Variants in AGMO observed in about 807,000 individuals in gnomAD.
AGMO encodes glyceryl-ether monooxygenase.
Under a neutral mutation model 60.2 loss-of-function variants are expected in AGMO, and 75 were observed. The observed-to-expected ratio is 1.25, with a 90% CI of 1.03 to 1.51. AGMO has a LOEUF of 1.51. Ranked by LOEUF, AGMO falls within the 40% of genes most tolerant of loss-of-function variation. The pLI is 0.00. For missense variants in AGMO, 763 were observed against 525.5 expected, an observed-to-expected ratio of 1.45 and a Z score of -4.42; for synonymous variants, 261 against 177.1, an observed-to-expected ratio of 1.47 and a Z score of -3.76.
intron 12 of AGMO, among the ~76,000 whole-genome samples, chr7:15,361,739 C>G (rs1274617398): frequency 6.6e-6 from 1 of 151,880 alleles, no homozygotes; most frequent in African/African-American, 2.4e-5. Flanking sequence ...ACAGTTTATG[C>G]AAAACAGATA....
Position 15,248,195 on chromosome 7 carries a change from T to TATATATATAC in AGMO, c.1264-46837_1264-46836insGTATATATAT, listed in dbSNP as rs1554401233. On this transcript the variant is annotated intron_variant, in intron 12 of 12. Transcript: ENST00000342526. Reference sequence around the variant, plus strand: ...ATCCAGCACCATATATATATATATATATATATATATATATATATATATATA... The same window carrying TATATATATAC: ...ATCCAGCACCATATATATATATATATATATATATACATATATATATATATATATATATATA... 2.6e-5 allele frequency among the ~76,000 whole-genome samples: 2 copies of TATATATATAC among 76,694 alleles called. 1 individual carries two copies. Among genetic ancestry groups the TATATATATAC allele is most frequent in the South Asian group, 7.6e-4 (2 of 2,646 alleles). The allele number at this position is 76,694 out of a possible 152,430, so 50.3% of individuals were successfully genotyped here.
At chr7:15,205,105 C>A (rs1781407281) in intron 12 of AGMO, among the ~76,000 whole-genome samples, 1 of 152,132 alleles carries the variant, frequency 6.6e-6, no homozygotes, top group Admixed American at 6.5e-5. Context: ...AAATTGCAAA[C>A]CCTCAAATTA....
In AGMO at chr7:15,462,523, C is replaced by T. The variant is rs1782169308; in HGVS notation, c.410-31415G>A. ...CAAAGAAATAAACTGTAAGCCTTCACTACTGAACTCTAAAAATAAAAGTTA... is the reference window on the plus strand; with the variant it reads ...CAAAGAAATAAACTGTAAGCCTTCATTACTGAACTCTAAAAATAAAAGTTA... On this transcript the variant is annotated intron_variant, in intron 3 of 12. Coordinates refer to ENST00000342526, the MANE Select transcript of AGMO (RefSeq NM_001004320.2). Among the ~76,000 whole-genome samples, 9 of 152,216 alleles carry T rather than the reference C, an allele frequency of 5.9e-5. No homozygotes were observed. The South Asian group carries it at 1.9e-3, about 32-fold the overall frequency.
At chr7:15,352,357 C>T (rs1443621565) in intron 12 of AGMO, among the ~76,000 whole-genome samples, 1 of 152,098 alleles carries the variant, frequency 6.6e-6, no homozygotes, top group Non-Finnish European at 1.5e-5. Context: ...GAAACTGCAG[C>T]TGTTGGCTGC....
In AGMO at chr7:15,459,599, T is replaced by TGTGTGTGTGTGTGTGTGTGTGTGTG. The variant is rs1554274867; in HGVS notation, c.410-28492_410-28491insCACACACACACACACACACACACAC. Among the ~76,000 whole-genome samples the TGTGTGTGTGTGTGTGTGTGTGTGTG allele has an allele frequency of 3.0e-4, 43 of 142,224 alleles. No individual in the cohort carries two copies. In the South Asian group the frequency reaches 4.1e-3, roughly 14 times the overall value. The allele number at this position is 142,224 out of a possible 152,430, so 93.3% of individuals were successfully genotyped here. A position where few individuals can be genotyped will look rare whatever the true frequency, so the allele number is the denominator to read the frequency against. On this transcript the variant is annotated intron_variant, in intron 3 of 12. Transcript: ENST00000342526. ...GATCTTTAAATGTGTGTATGTGCGT[T>TGTGTGTGTGTGTGTGTGTGTGTGTG]TGTGTGTGTGTGTGTGTGTGTGTGT...
chr7:15,233,273 A>C (rs73277648), intron 12 of AGMO, among the ~76,000 whole-genome samples: 4,947 of 152,278 alleles, frequency 0.032, 294 homozygotes, highest in African/African-American at 0.11. Context: ...GGTATCGTGA[A>C]TCCATCTAAA....
chr7:15,360,917 TAAG>T (rs1457994051), intron 12 of AGMO, among the ~76,000 whole-genome samples: 1 of 146,198 alleles, frequency 6.8e-6, no homozygotes, highest in Non-Finnish European at 1.5e-5. Flanking sequence ...CTCATGAAAA[TAAG>T]AAGAAAAAAC....
At chr7:15,526,463 C>G (rs1784130860) in intron 3 of AGMO, among the ~76,000 whole-genome samples, 1 of 152,138 alleles carries the variant, frequency 6.6e-6, no homozygotes, top group Non-Finnish European at 1.5e-5. Context: ...TGCAAGATAT[C>G]TCGCCTTTTC....
At chr7:15,482,044 T>C (rs1383289504) in intron 3 of AGMO, among the ~76,000 whole-genome samples, 1 of 151,972 alleles carries the variant, frequency 6.6e-6, no homozygotes, top group Non-Finnish European at 1.5e-5. Context: ...GGGTCATTTG[T>C]ACTTTTAACA....
intron 2 of AGMO, among the ~76,000 whole-genome samples, chr7:15,558,766 T>A (rs1375100520): frequency 6.6e-6 from 1 of 152,134 alleles, no homozygotes; most frequent in Admixed American, 6.6e-5. Flanking sequence ...TAAGTTTACT[T>A]TTATTTAAAC....
chr7:15,460,999 G>A (rs1019337309), intron 3 of AGMO, among the ~76,000 whole-genome samples: 1 of 152,088 alleles, frequency 6.6e-6, no homozygotes, highest in African/African-American at 2.4e-5. Flanking sequence ...GGCATTTGTT[G>A]TGGGCCTACT....
intron 3 of AGMO, among the ~76,000 whole-genome samples, chr7:15,518,408 T>C (rs1327768310): frequency 6.6e-6 from 1 of 152,108 alleles, no homozygotes; most frequent in East Asian, 1.9e-4. Flanking sequence ...AACAGGCACC[T>C]CATACAGGAG....
At chr7:15,328,339 G>T (rs1781407118) in intron 12 of AGMO, among the ~76,000 whole-genome samples, 1 of 151,594 alleles carries the variant, frequency 6.6e-6, no homozygotes, top group Non-Finnish European at 1.5e-5. Flanking sequence ...TCAGGTGATG[G>T]GCCCACCTCG....
chr7:15,248,214 A>ATATATATATG (rs1554401267), intron 12 of AGMO, among the ~76,000 whole-genome samples: 3,011 of 70,998 alleles, frequency 0.042, 323 homozygotes, highest in Non-Finnish European at 0.066. Flanking sequence ...ATATATATAT[A>ATATATATATG]TATATATATA....
chr7:15,118,833 AC>A, the AGMO span, among the ~76,000 whole-genome samples: 1 of 139,330 alleles, frequency 7.2e-6, no homozygotes, highest in African/African-American at 2.6e-5. Context: ...CAGTTCTCTC[AC>A]CCCAGATATT....
chr7:15,149,553 G>A, the AGMO span, among the ~76,000 whole-genome samples: 72 of 152,086 alleles, frequency 4.7e-4, no homozygotes, highest in African/African-American at 1.6e-3. Flanking sequence ...ATCACGTACC[G>A]TTTATTGACT....
At chr7:15,291,429 A>G (rs986731392) in intron 12 of AGMO, among the ~76,000 whole-genome samples, 3 of 152,206 alleles carry the variant, frequency 2.0e-5, no homozygotes, top group Admixed American at 2.0e-4. Flanking sequence ...CTTTGCCGGT[A>G]TAGTGTTCTT....
rs569396246 is a variant in AGMO at position 15,515,216 on chromosome 7, TG to T, written c.409+29555del. 2.0e-5 allele frequency among the ~76,000 whole-genome samples: 3 copies of T among 152,358 alleles called. No homozygotes were observed. The South Asian group carries it at 6.2e-4, about 32-fold the overall frequency. On this transcript the variant is annotated intron_variant, in intron 3 of 12. Coordinates refer to ENST00000342526, the MANE Select transcript of AGMO (RefSeq NM_001004320.2). ...CTGAAACTACTAAAAGGTTTTACTC[TG>T]GGAAAACTCTCTAGTGAATTTCCAC...
chr7:15,265,699 G>A (rs1563060860), intron 12 of AGMO, among the ~76,000 whole-genome samples: 1 of 152,124 alleles, frequency 6.6e-6, no homozygotes, highest in East Asian at 1.9e-4. Context: ...ATTGATAATA[G>A]TGTAAAAGGC....
Sources: gnomAD v4.1 joint callset for allele counts (sites outside exome capture counted in the v4.1 genomes callset) on GRCh38, gnomAD v4.1.1 for gene constraint, MANE v1.5 for transcripts, NCBI Gene and HGNC (gene_info 2026-07-23, HGNC 2026-07-21) for gene names.